The following CMTR1 variants were observed in gnomAD, a reference collection of about 807,000 sequenced individuals.
CMTR1 encodes the protein cap-specific mRNA (nucleoside-2'-O-)-methyltransferase 1.
CMTR1 carries 39 observed loss-of-function variants against 107.0 expected under a neutral mutation model. The ratio of observed to expected loss-of-function variants is 0.36; its 90% CI spans 0.28 to 0.48. CMTR1 has a LOEUF of 0.48. Among genes scored for constraint, CMTR1 ranks in the 20% least tolerant of loss-of-function variants. CMTR1 has a pLI of 0.99. For synonymous variants in CMTR1, 366 were observed against 379.5 expected (o/e 0.96, Z 0.41); for missense variants, 672 against 1,064.9 (o/e 0.63, Z 5.14).
At chr6:37,448,745 G>A (rs1771863552) in intron 4 of CMTR1, among the ~76,000 whole-genome samples, 2 of 152,138 alleles carry the variant, frequency 1.3e-5, no homozygotes, top group Admixed American at 1.3e-4. Flanking sequence ...TTGCTTGGGA[G>A]CCAATATGTG....
At chr6:37,446,571 T>G in intron 4 of CMTR1, 122 bp downstream of exon 4, 1 of 1,167,996 alleles carries the variant, frequency 8.6e-7, no homozygotes, top group Non-Finnish European at 1.2e-6. Flanking sequence ...GGAATTAGTT[T>G]TTTACGTGGA....
Position 37,453,248 on chromosome 6 carries a change from T to C in CMTR1, c.713T>C (p.Met238Thr). 1 of 1,614,218 alleles carries C rather than the reference T, an allele frequency of 6.2e-7. No homozygotes were observed. The highest frequency in any genetic ancestry group is 1.7e-5 in the Admixed American group (1 of 60,022). Residue 238 changes from methionine to threonine, a missense_variant, in exon 8 of 24, where the codon ATG (methionine) becomes ACG (threonine). Met to Thr is a moderately conservative substitution (Grantham distance 81, BLOSUM62 -1). Around this residue, in one of 2 missense-constraint regions of CMTR1, gnomAD observed 583 missense variants for 968.4 expected, o/e 0.60. Transcript: ENST00000373451. ...RGVFFLNRAA[M>T]KMANMDFVFD... ...GTCTTGCTTTATTGCAGGGCAGCAA[T>C]GAAGATGGCTAACATGGATTTTGTA...
chr6:37,450,602 T>C (rs1230493595), intron 5 of CMTR1, among the ~76,000 whole-genome samples: 1 of 152,234 alleles, frequency 6.6e-6, no homozygotes, highest in Non-Finnish European at 1.5e-5. Flanking sequence ...GTCTTCTTCA[T>C]GGATGCCTTT....
At position 37,473,580 on chromosome 6, in the gene CMTR1, G is replaced by A; in HGVS notation, c.1800G>A (p.Gln600=). ...DYRCMVSGSE[Q]KFLIGLGKSQ... The stretch of plus-strand genomic sequence containing the variant: ...GCTGCATGGTATCTGGCAGTGAGCA[G>A]AAGTTCCTCATCGGCCTGGGGGTAA... The change falls in exon 17 of 24, where the codon CAG becomes CAA. Residue 600 remains glutamine (Q), a synonymous_variant. Coordinates refer to ENST00000373451, the MANE Select transcript of CMTR1 (RefSeq NM_015050.3). 1 of 1,614,084 alleles carries A rather than the reference G, an allele frequency of 6.2e-7. No homozygotes were observed. The highest frequency in any genetic ancestry group is 8.5e-7 in the Non-Finnish European group (1 of 1,179,984).
intron 4 of CMTR1, among the ~76,000 whole-genome samples, chr6:37,449,283 G>GTTATGTTATA (rs1771880067): frequency 6.6e-6 from 1 of 150,946 alleles, no homozygotes; most frequent in Non-Finnish European, 1.5e-5. Flanking sequence ...GTTATGTTAT[G>GTTATGTTATA]TTATGTTATG....
intron 4 of CMTR1, among the ~76,000 whole-genome samples, chr6:37,448,588 TTTTTC>T (rs1771860785): frequency 6.6e-6 from 1 of 152,228 alleles, no homozygotes; most frequent in Non-Finnish European, 1.5e-5. Context: ...GCTTCAGTAA[TTTTTC>T]TTTTCAACTT....
intron 2 of CMTR1, among the ~76,000 whole-genome samples, chr6:37,437,095 T>C (rs1459114592): frequency 6.6e-6 from 1 of 152,162 alleles, no homozygotes; most frequent in Non-Finnish European, 1.5e-5. Flanking sequence ...TGCAGCTTTG[T>C]ATGTGGAGGT....
Position 37,459,559 on chromosome 6 carries a change from C to T in CMTR1, c.977-7C>T, listed in dbSNP as rs376267984. ...ATGAACTCACTATGACTCTTGTATTCTGACAGGTGAGGGTGGGATTGATGG... is the reference window on the plus strand; with the variant it reads ...ATGAACTCACTATGACTCTTGTATTTTGACAGGTGAGGGTGGGATTGATGG... On this transcript the variant is annotated splice_region_variant and splice_polypyrimidine_tract_variant and intron_variant, in intron 9 of 23. Transcript: ENST00000373451. 19 of 1,612,090 alleles carry T rather than the reference C, an allele frequency of 1.2e-5. No homozygotes were observed. In the African/African-American group the frequency reaches 2.4e-4, roughly 20 times the overall value.
intron 3 of CMTR1, among the ~76,000 whole-genome samples, chr6:37,444,949 C>T (rs992643389): frequency 2.6e-5 from 4 of 152,168 alleles, no homozygotes; most frequent in African/African-American, 9.7e-5. Flanking sequence ...TCGCTTGAAC[C>T]TGAGAGGTGG....
At chr6:37,445,939 C>A (rs1771784600) in intron 3 of CMTR1, among the ~76,000 whole-genome samples, 1 of 152,132 alleles carries the variant, frequency 6.6e-6, no homozygotes, top group African/African-American at 2.4e-5. Flanking sequence ...AAATTATGTT[C>A]TCTTTATCAA....
intron 23 of CMTR1, 52 bp downstream of exon 23, chr6:37,479,307 G>T (rs915775893): frequency 1.6e-6 from 2 of 1,266,886 alleles, no homozygotes; most frequent in African/African-American, 2.9e-5. Context: ...AAGTACTCCT[G>T]CAGGATGCCA....
rs540011047 is a variant in CMTR1, at chr6:37,437,337, T to C, written c.133+1575T>C. Among the ~76,000 whole-genome samples, 95 of 151,546 alleles carry C rather than the reference T, an allele frequency of 6.3e-4. 2 individuals are homozygous for C. The South Asian group carries it at 0.019, about 31-fold the overall frequency. ...GTCAGGAGATCGAGACCATCCTGGC[T>C]AACACAGTGAAACCCCATCTCTACT... is the stretch of plus-strand genomic sequence containing the variant. On this transcript the variant is annotated intron_variant, in intron 2 of 23. Coordinates refer to ENST00000373451, the MANE Select transcript of CMTR1 (RefSeq NM_015050.3).
Position 37,463,021 on chromosome 6 carries a change from G to A in CMTR1, c.1505+13G>A. ...GGTCCAATGAGAGGTAAGCCAACGGGCTGGTTTTTGCTGGTAACACTGAGG... is the reference window on the plus strand; with the variant it reads ...GGTCCAATGAGAGGTAAGCCAACGGACTGGTTTTTGCTGGTAACACTGAGG... On this transcript the variant is annotated intron_variant, in intron 13 of 23. Coordinates refer to ENST00000373451, the MANE Select transcript of CMTR1 (RefSeq NM_015050.3). 2 of 1,611,620 alleles carry A rather than the reference G, an allele frequency of 1.2e-6. No individual in the cohort carries two copies. Among genetic ancestry groups the A allele is most frequent in the Non-Finnish European group, 1.7e-6 (2 of 1,177,894 alleles).
chr6:37,424,197 T>C, the CMTR1 span, among the ~76,000 whole-genome samples: 6 of 152,008 alleles, frequency 3.9e-5, no homozygotes, highest in Admixed American at 2.6e-4. Context: ...AAGGAAAACC[T>C]TACTGAGGAC....
intron 13 of CMTR1, 44 bp downstream of exon 13, chr6:37,463,052 A>C: frequency 6.3e-7 from 1 of 1,577,758 alleles, no homozygotes; most frequent in Non-Finnish European, 8.7e-7. Flanking sequence ...TGAGGTCCTA[A>C]GGAAGACCAG....
At chr6:37,446,621 G>A (rs1771803104) in intron 4 of CMTR1, among the ~76,000 whole-genome samples, 172 bp downstream of exon 4, 1 of 152,232 alleles carries the variant, frequency 6.6e-6, no homozygotes, top group Non-Finnish European at 1.5e-5. Flanking sequence ...AGAAGGCTGG[G>A]GGAGATATGG....
At chr6:37,476,865 T>TAGTTAA (rs376761894) in intron 20 of CMTR1, among the ~76,000 whole-genome samples, 79 of 152,362 alleles carry the variant, frequency 5.2e-4, no homozygotes, top group African/African-American at 1.3e-3. Flanking sequence ...TAAATTTACT[T>TAGTTAA]AGTTAAAATT....
intron 1 of CMTR1, among the ~76,000 whole-genome samples, chr6:37,434,483 T>C (rs554608329): frequency 3.9e-5 from 6 of 152,338 alleles, no homozygotes; most frequent in African/African-American, 1.4e-4. Context: ...ACTACTTCTC[T>C]TGCTTGCTCT....
At chr6:37,459,441 C>T (rs1425289850) in intron 9 of CMTR1, 125 bp from the exon 10 acceptor site, 5 of 756,432 alleles carry the variant, frequency 6.6e-6, no homozygotes, top group Non-Finnish European at 1.2e-5. Flanking sequence ...GTAAGGGAGC[C>T]TTGCAGGATG....
Sources: gnomAD v4.1 joint callset for allele counts (sites outside exome capture counted in the v4.1 genomes callset) on GRCh38, gnomAD v4.1.1 for gene constraint, gnomAD v4.1.1 regional missense constraint, MANE v1.5 for transcripts, NCBI Gene and HGNC (gene_info 2026-07-23, HGNC 2026-07-21) for gene names.